RELN: variants seen among roughly 807,000 people sequenced by gnomAD.
RELN encodes reelin.
A neutral mutation model predicts 427.6 loss-of-function variants in RELN; 108 were observed. The ratio of observed to expected loss-of-function variants is 0.25; its 90% CI spans 0.22 to 0.30. The LOEUF (loss-of-function observed/expected upper bound fraction) is 0.30, where lower values mean the gene tolerates loss of function less well. RELN is among the 10% of genes least tolerant of loss of function. The probability of loss-of-function intolerance (pLI) is 1.00; values close to 1 mark genes in which losing one functional copy is unlikely to be tolerated. For missense variants in RELN, 3,715 were observed against 4,302.8 expected (o/e 0.86, Z 3.82); for synonymous variants, 1,524 against 1,513.4 (o/e 1.01, Z -0.16).
At chr7:103,831,268 G>A (rs1188072531) in intron 3 of RELN, among the ~76,000 whole-genome samples, 2 of 152,092 alleles carry the variant, frequency 1.3e-5, no homozygotes, top group African/African-American at 4.8e-5. Flanking sequence ...ATATGAATAA[G>A]AGAAAGCATA....
At chr7:103,733,819 T>C (rs1014296818) in intron 6 of RELN, among the ~76,000 whole-genome samples, 13 of 151,256 alleles carry the variant, frequency 8.6e-5, no homozygotes, top group African/African-American at 2.4e-4. Flanking sequence ...AGGGATAGCA[T>C]TGGGAGATAT....
At chr7:103,639,612 C>G (rs1248366326) in intron 17 of RELN, among the ~76,000 whole-genome samples, 1 of 152,004 alleles carries the variant, frequency 6.6e-6, no homozygotes, top group Non-Finnish European at 1.5e-5. Flanking sequence ...GTTGGCCAGG[C>G]TGGTCTCGAA....
Position 103,908,097 on chromosome 7 carries a change from T to C in RELN, c.337+8978A>G, listed in dbSNP as rs189526561. On this transcript the variant is annotated intron_variant, in intron 2 of 64. Transcript: ENST00000428762. ...CTCACACTTACACTATCTCCTGCAA[T>C]AGTCATCACTGGCCTTCCCAAGCAT... Among the ~76,000 whole-genome samples the C allele has an allele frequency of 1.7e-4, 26 of 152,206 alleles. No individual in the cohort carries two copies. The East Asian group carries it at 4.8e-3, about 28-fold the overall frequency.
chr7:103,987,709 C>A (rs1797132620), intron 1 of RELN, among the ~76,000 whole-genome samples: 1 of 152,160 alleles, frequency 6.6e-6, no homozygotes, highest in African/African-American at 2.4e-5. Flanking sequence ...CTTAAAGATT[C>A]TCATTATCTC....
intron 2 of RELN, among the ~76,000 whole-genome samples, chr7:103,889,870 GC>G (rs1207140179): frequency 6.6e-6 from 1 of 152,144 alleles, no homozygotes; most frequent in Non-Finnish European, 1.5e-5. Context: ...CCTCCTCCAA[GC>G]AGGTAGCACA....
intron 4 of RELN, among the ~76,000 whole-genome samples, chr7:103,768,096 T>C (rs971596233): frequency 6.6e-6 from 1 of 152,218 alleles, no homozygotes; most frequent in Non-Finnish European, 1.5e-5. Context: ...TTCCAAGACC[T>C]AGCCTAGAAC....
chr7:103,698,280 A>G, intron 9 of RELN, among the ~76,000 whole-genome samples, 187 bp from the exon 10 acceptor site: 1 of 152,214 alleles, frequency 6.6e-6, no homozygotes, highest in East Asian at 1.9e-4. Flanking sequence ...TTCATATTGA[A>G]TGATGACAGT....
At chr7:103,815,432 C>T (rs1792847512) in intron 3 of RELN, among the ~76,000 whole-genome samples, 1 of 152,076 alleles carries the variant, frequency 6.6e-6, no homozygotes, top group East Asian at 1.9e-4. Flanking sequence ...ATAAGTGTGA[C>T]TTGATGCATG....
At chr7:103,691,106 A>G (rs1833862350) in intron 10 of RELN, among the ~76,000 whole-genome samples, 1 of 152,064 alleles carries the variant, frequency 6.6e-6, no homozygotes, top group African/African-American at 2.4e-5. Context: ...TCTATTTCAT[A>G]TTAATTACTA....
intron 2 of RELN, among the ~76,000 whole-genome samples, chr7:103,863,298 A>G (rs1794115386): frequency 6.6e-6 from 1 of 152,162 alleles, no homozygotes; most frequent in African/African-American, 2.4e-5. Flanking sequence ...CATGAACCAT[A>G]TGAAAGAATC....
intron 1 of RELN, among the ~76,000 whole-genome samples, chr7:103,929,701 C>T (rs901474001): frequency 1.3e-5 from 2 of 152,184 alleles, no homozygotes; most frequent in African/African-American, 4.8e-5. Flanking sequence ...TTTGGTACTA[C>T]ACCTGGGGGC....
chr7:103,807,955 C>A (rs1377177057), intron 3 of RELN, among the ~76,000 whole-genome samples: 1 of 152,066 alleles, frequency 6.6e-6, no homozygotes, highest in African/African-American at 2.4e-5. Flanking sequence ...ACACTAGGCA[C>A]AACTGAGGAT....
chr7:103,858,147 C>T (rs1476466972), intron 2 of RELN, among the ~76,000 whole-genome samples: 3 of 152,130 alleles, frequency 2.0e-5, no homozygotes, highest in African/African-American at 7.2e-5. Context: ...TTAAGTACAA[C>T]AGGGCTGGCA....
chr7:103,838,271 A>T (rs1793463489), intron 2 of RELN, among the ~76,000 whole-genome samples: 1 of 151,496 alleles, frequency 6.6e-6, no homozygotes, highest in Non-Finnish European at 1.5e-5. Flanking sequence ...TATAATACAA[A>T]TTATTTATTC....
chr7:103,908,665 C>T (rs368353013), intron 2 of RELN, among the ~76,000 whole-genome samples: 3 of 152,172 alleles, frequency 2.0e-5, no homozygotes, highest in Admixed American at 6.5e-5. Flanking sequence ...TTTTAGTAAG[C>T]GATTCTTTTC....
At chr7:103,536,672 G>T (rs1019031380) in intron 45 of RELN, among the ~76,000 whole-genome samples, 1 of 152,206 alleles carries the variant, frequency 6.6e-6, no homozygotes, top group Non-Finnish European at 1.5e-5. Context: ...TTCTTGAAAT[G>T]TTCTTTTATT....
At chr7:103,729,728 T>C (rs1444489338) in intron 6 of RELN, among the ~76,000 whole-genome samples, 1 of 152,238 alleles carries the variant, frequency 6.6e-6, no homozygotes, top group Admixed American at 6.5e-5. Flanking sequence ...TCCTGAAATA[T>C]TTGTTGAATG....
intron 3 of RELN, among the ~76,000 whole-genome samples, chr7:103,796,603 G>A (rs947173729): frequency 1.3e-5 from 2 of 152,096 alleles, no homozygotes; most frequent in Admixed American, 6.6e-5. Context: ...GTGTGGTGAC[G>A]AACGACTGTA....
chr7:103,956,650 C>T lies in RELN; in HGVS notation c.226+32481G>A, dbSNP rs1338834484. Among the ~76,000 whole-genome samples, 8 of 152,200 alleles carry T rather than the reference C, an allele frequency of 5.3e-5. No homozygotes were observed. In the South Asian group the frequency reaches 1.0e-3, roughly 20 times the overall value. Reference sequence around the variant, plus strand: ...GTAAAAGTGTATAAGACTGAAAAATCGTGTTTACATCTTCTCCCAAAAGGG... The same window carrying T: ...GTAAAAGTGTATAAGACTGAAAAATTGTGTTTACATCTTCTCCCAAAAGGG... On this transcript the variant is annotated intron_variant, in intron 1 of 64. Coordinates refer to ENST00000428762, the MANE Select transcript of RELN (RefSeq NM_005045.4).
Sources: allele counts gnomAD v4.1 joint callset (sites outside exome capture counted in the v4.1 genomes callset), GRCh38; gene constraint gnomAD v4.1.1; transcripts MANE v1.5; gene names NCBI Gene and HGNC (gene_info 2026-07-23, HGNC 2026-07-21).